The following ANO2 variants were observed in gnomAD, a reference collection of about 807,000 sequenced individuals.
ANO2 encodes anoctamin 2, also known as anoctamin-2.
Under a neutral mutation model 124.2 loss-of-function variants are expected in ANO2, and 101 were observed. That is an observed-to-expected ratio of 0.81 (90% CI 0.69 to 0.96). The LOEUF is 0.96. ANO2 is among the 40% of genes least tolerant of loss of function. ANO2 has a pLI of 0.00. For missense variants in ANO2, 1,293 were observed against 1,274.5 expected, an observed-to-expected ratio of 1.01 and a Z score of -0.22; for synonymous variants, 486 against 482.5, an observed-to-expected ratio of 1.01 and a Z score of -0.09.
At chr12:5,768,353 C>T (rs1951961673) in intron 10 of ANO2, among the ~76,000 whole-genome samples, 1 of 152,148 alleles carries the variant, frequency 6.6e-6, no homozygotes, top group Admixed American at 6.5e-5. Flanking sequence ...AGGTCATATT[C>T]CCGCCACCCC....
chr12:5,578,125 C>T, intron 21 of ANO2, 118 bp from the exon 22 acceptor site: 1 of 1,332,332 alleles, frequency 7.5e-7, no homozygotes, highest in Non-Finnish European at 1.0e-6. Flanking sequence ...CTGGGCCCCC[C>T]CAGAATGGGC....
chr12:5,714,142 G>A (rs192064633), intron 14 of ANO2, among the ~76,000 whole-genome samples: 6 of 152,266 alleles, frequency 3.9e-5, no homozygotes, highest in East Asian at 3.9e-4. Flanking sequence ...TAGATTATCT[G>A]CCACTCTACC....
intron 14 of ANO2, among the ~76,000 whole-genome samples, chr12:5,676,279 A>G (rs1948237907): frequency 6.6e-6 from 1 of 152,240 alleles, no homozygotes; most frequent in African/African-American, 2.4e-5. Flanking sequence ...AATGAAAAGA[A>G]CACTCAGCCA....
At chr12:5,719,001 TTGTCA>T (rs892158785) in intron 14 of ANO2, among the ~76,000 whole-genome samples, 1 of 152,198 alleles carries the variant, frequency 6.6e-6, no homozygotes, top group African/African-American at 2.4e-5. Flanking sequence ...CTTATTTAGC[TTGTCA>T]GCCCTTCTGA....
intron 20 of ANO2, among the ~76,000 whole-genome samples, chr12:5,592,818 G>C (rs1324619466): frequency 6.6e-6 from 1 of 152,140 alleles, no homozygotes. Context: ...CCCCAGTTAG[G>C]GTTCACGCAA....
At chr12:5,632,639 T>C (rs1945781110) in intron 16 of ANO2, among the ~76,000 whole-genome samples, 1 of 152,084 alleles carries the variant, frequency 6.6e-6, no homozygotes, top group South Asian at 2.1e-4. Context: ...GAAAGCTCTG[T>C]TACAGCCCAT....
rs1250559640 is a variant in ANO2 at position 5,908,367 on chromosome 12, C to T, written c.534+12673G>A. On this transcript the variant is annotated intron_variant, in intron 3 of 24. Transcript: ENST00000682330. This position sits in a 1 kb window ranked among gnomAD's most constrained non-coding sequence, Gnocchi z 4.7. ...ATATCCACGGTCAAACAGACCTCAG[C>T]CCTTACCACCTGAGAATAATCAATT... Among the ~76,000 whole-genome samples, 1 of 152,210 alleles carries T rather than the reference C, an allele frequency of 6.6e-6. No individual in the cohort carries two copies. Among genetic ancestry groups the T allele is most frequent in the Non-Finnish European group, 1.5e-5 (1 of 68,036 alleles).
intron 14 of ANO2, among the ~76,000 whole-genome samples, chr12:5,710,890 G>A (rs943913654): frequency 3.9e-5 from 6 of 152,100 alleles, no homozygotes; most frequent in Admixed American, 1.3e-4. Context: ...GGCCGGGCGC[G>A]GTGGCTCACA....
intron 13 of ANO2, among the ~76,000 whole-genome samples, chr12:5,734,929 C>G (rs1048218713): frequency 9.2e-5 from 14 of 152,312 alleles, no homozygotes; most frequent in African/African-American, 3.1e-4. Flanking sequence ...GGATTACAGG[C>G]GTGAACCACT....
intron 3 of ANO2, among the ~76,000 whole-genome samples, chr12:5,895,300 T>A (rs140474138): frequency 1.2e-4 from 18 of 152,248 alleles, no homozygotes; most frequent in African/African-American, 4.1e-4. Context: ...TTGTCTATTA[T>A]TGGTGTATAG....
chr12:5,758,751 T>A (rs1185728395), intron 10 of ANO2, among the ~76,000 whole-genome samples: 1 of 152,194 alleles, frequency 6.6e-6, no homozygotes, highest in Non-Finnish European at 1.5e-5. Flanking sequence ...ACTGACCTGA[T>A]GGAATGGAAG....
chr12:5,695,349 C>T (rs892705302), intron 14 of ANO2, among the ~76,000 whole-genome samples: 14 of 149,020 alleles, frequency 9.4e-5, no homozygotes, highest in Admixed American at 4.7e-4. Context: ...CATTGGTCAG[C>T]ATTCTTTTCA....
At chr12:5,647,880 G>T in intron 14 of ANO2, 79 bp from the exon 15 acceptor site, 2 of 1,041,802 alleles carry the variant, frequency 1.9e-6, no homozygotes, top group Non-Finnish European at 2.9e-6. Flanking sequence ...GCATATATTT[G>T]CATGCGATTG....
chr12:5,939,109 C>T (rs1227955231), intron 1 of ANO2, among the ~76,000 whole-genome samples: 2 of 143,534 alleles, frequency 1.4e-5, no homozygotes, highest in African/African-American at 5.2e-5. Flanking sequence ...CCCAGCTACT[C>T]GGGAGGCTGA....
rs976990122 is a variant in ANO2, at chr12:5,894,896, T to C, written c.534+26144A>G. Among the ~76,000 whole-genome samples the C allele has an allele frequency of 3.9e-5, 6 of 152,340 alleles. No homozygotes were observed. The South Asian group carries it at 6.2e-4, about 16-fold the overall frequency. On this transcript the variant is annotated intron_variant, in intron 3 of 24. Coordinates refer to ENST00000682330, the MANE Select transcript of ANO2 (RefSeq NM_001364791.2). ...CCATGCTGTTTTGGTTCCTGTAGGC[T>C]TGTAGTATAGTTTGAAGTCAGGTAG...
Position 5,751,044 on chromosome 12 carries a change from T to C in ANO2, c.1056-74A>G, listed in dbSNP as rs1008109759. ...ACTTTCCTTATTTCTGTTTGTTCTATGCCTAAGGGTGGGTCAACATAGATA... is the reference window on the plus strand; with the variant it reads ...ACTTTCCTTATTTCTGTTTGTTCTACGCCTAAGGGTGGGTCAACATAGATA... On this transcript the variant is annotated intron_variant, in intron 10 of 24. Transcript: ENST00000682330. The C allele has an allele frequency of 4.3e-6, 6 of 1,409,818 alleles. No individual in the cohort carries two copies. The Admixed American group carries it at 9.5e-5, about 22-fold the overall frequency. 87.3% of individuals were successfully genotyped at this position (1,409,818 alleles called of 1,614,324 possible). A position where few individuals can be genotyped will look rare whatever the true frequency, so the allele number is the denominator to read the frequency against.
intron 10 of ANO2, among the ~76,000 whole-genome samples, chr12:5,797,127 C>A (rs1227499960): frequency 4.7e-4 from 71 of 152,212 alleles, no homozygotes; most frequent in Admixed American, 4.6e-3. Context: ...GCGAGGCACA[C>A]GGAGGGTGCC....
At chr12:5,857,445 C>G (rs1228035670) in intron 3 of ANO2, among the ~76,000 whole-genome samples, 2 of 152,186 alleles carry the variant, frequency 1.3e-5, no homozygotes, top group Non-Finnish European at 2.9e-5. Flanking sequence ...TGAGGGACCT[C>G]CATTCTGCTT....
chr12:5,837,222 G>A lies in ANO2; in HGVS notation c.634-4619C>T, dbSNP rs573831477. Among the ~76,000 whole-genome samples the A allele has an allele frequency of 2.6e-4, 39 of 150,076 alleles. No individual in the cohort carries two copies. In the East Asian group the frequency reaches 7.7e-3, roughly 30 times the overall value. Reference sequence around the variant, plus strand: ...GTGCAGCATCCACGGGGCCAGGAGTGCAGCAACCACGGGGCCAGGAGTGCA... The same window carrying A: ...GTGCAGCATCCACGGGGCCAGGAGTACAGCAACCACGGGGCCAGGAGTGCA... On this transcript the variant is annotated intron_variant, in intron 4 of 24. Transcript: ENST00000682330.
Sources: allele counts gnomAD v4.1 joint callset (sites outside exome capture counted in the v4.1 genomes callset), GRCh38; gene constraint gnomAD v4.1.1; non-coding constraint Gnocchi (gnomAD v3.1); transcripts MANE v1.5; gene names NCBI Gene and HGNC (gene_info 2026-07-23, HGNC 2026-07-21).